The following TRAPPC9 variants were observed in gnomAD, a reference collection of about 807,000 sequenced individuals.
TRAPPC9 encodes trafficking protein particle complex subunit 9, also known as IKK2 binding protein.
In TRAPPC9, 83 loss-of-function variants were observed where a neutral mutation model predicts 124.0. That is an observed-to-expected ratio of 0.67 (90% CI 0.56 to 0.80). The LOEUF is 0.80. Ranked by LOEUF, TRAPPC9 falls within the 30% of genes least tolerant of loss-of-function variation. The pLI, the probability that TRAPPC9 is intolerant of heterozygous loss-of-function variation, is 0.00. For synonymous variants in TRAPPC9, 638 were observed against 617.5 expected, an observed-to-expected ratio of 1.03 and a Z score of -0.49; for missense variants, 1,302 against 1,508.3, an observed-to-expected ratio of 0.86 and a Z score of 2.27.
At chr8:140,345,482 T>C (rs1188190154) in intron 9 of TRAPPC9, among the ~76,000 whole-genome samples, 2 of 152,072 alleles carry the variant, frequency 1.3e-5, no homozygotes, top group Non-Finnish European at 1.5e-5. Flanking sequence ...AAAACCAGCA[T>C]GCATTTGAGA....
chr8:139,837,326 C>A (rs1442154878), intron 21 of TRAPPC9, among the ~76,000 whole-genome samples: 1 of 152,178 alleles, frequency 6.6e-6, no homozygotes, highest in Non-Finnish European at 1.5e-5. Flanking sequence ...ACAGCTGCCA[C>A]GGGGCAGGGT....
At chr8:140,386,635 A>C (rs1563990063) in intron 7 of TRAPPC9, among the ~76,000 whole-genome samples, 1 of 152,166 alleles carries the variant, frequency 6.6e-6, no homozygotes, top group Non-Finnish European at 1.5e-5. Flanking sequence ...CTTCAAGGAG[A>C]ACTACAAACC....
At chr8:139,784,251 A>G (rs1191133583) in intron 21 of TRAPPC9, among the ~76,000 whole-genome samples, 1 of 152,216 alleles carries the variant, frequency 6.6e-6, no homozygotes, top group Non-Finnish European at 1.5e-5. Context: ...CACTAGAATA[A>G]GTAGGCTTAG....
chr8:139,792,057 G>T (rs914272129), intron 21 of TRAPPC9, among the ~76,000 whole-genome samples: 1 of 152,274 alleles, frequency 6.6e-6, no homozygotes, highest in South Asian at 2.1e-4. Context: ...GCTCTTGCCC[G>T]CCGCCTGCCG....
rs748126638 is a variant in TRAPPC9 at position 139,907,047 on chromosome 8, C to A, written c.2964+3100G>T. On this transcript the variant is annotated intron_variant, in intron 20 of 22. Coordinates refer to ENST00000438773, the MANE Select transcript of TRAPPC9 (RefSeq NM_001160372.4). This position sits in a 1 kb window ranked among gnomAD's most constrained non-coding sequence, Gnocchi z 4.7. ...AGGGAAGCTCCCATCAGCCCCACAA[C>A]GCTGCACTGCAAGTGCCCATCTCTG... 6.6e-6 allele frequency among the ~76,000 whole-genome samples: 1 copy of A among 152,228 alleles called. No homozygotes were observed. Among genetic ancestry groups the A allele is most frequent in the African/African-American group, 2.4e-5 (1 of 41,456 alleles).
intron 10 of TRAPPC9, among the ~76,000 whole-genome samples, chr8:140,304,528 C>T (rs1193200959): frequency 6.6e-6 from 1 of 152,148 alleles, no homozygotes; most frequent in Non-Finnish European, 1.5e-5. Context: ...ATAGCTACTG[C>T]CCAGGCCTTC....
intron 21 of TRAPPC9, among the ~76,000 whole-genome samples, chr8:139,733,638 G>A (rs1817977714): frequency 6.6e-6 from 1 of 152,252 alleles, no homozygotes; most frequent in Non-Finnish European, 1.5e-5. Flanking sequence ...ATCAAGGCAG[G>A]CAGGTGGAAT....
intron 10 of TRAPPC9, among the ~76,000 whole-genome samples, chr8:140,308,161 C>A (rs10086735): frequency 1.4e-3 from 209 of 151,684 alleles, no homozygotes; most frequent in Non-Finnish European, 2.6e-3. Flanking sequence ...ACAAAACCGG[C>A]CACACATTTG....
At chr8:139,874,817 A>G (rs908726010) in intron 21 of TRAPPC9, among the ~76,000 whole-genome samples, 1 of 152,202 alleles carries the variant, frequency 6.6e-6, no homozygotes, top group African/African-American at 2.4e-5. Flanking sequence ...GAGAACAACA[A>G]GCATGGCCAC....
In TRAPPC9 at chr8:140,047,405, C is replaced by A. The variant is rs114686207; in HGVS notation, c.2557-23326G>T. 9.9e-3 allele frequency among the ~76,000 whole-genome samples: 1,516 copies of A among 152,368 alleles called. 24 individuals carry two copies. Among genetic ancestry groups the A allele is most frequent in the African/African-American group, 0.034 (1,405 of 41,586 alleles). ...CGAAGGGTATGGAAGTCGTTCTCTG[C>A]GGAGGCCCCGCTGGCACCGGAGAGC... On this transcript the variant is annotated intron_variant, in intron 17 of 22. Transcript: ENST00000438773.
intron 21 of TRAPPC9, among the ~76,000 whole-genome samples, chr8:139,838,979 G>A (rs1048620245): frequency 4.6e-5 from 7 of 152,172 alleles, no homozygotes; most frequent in Non-Finnish European, 7.4e-5. Context: ...ACATGGCCAC[G>A]CTGGGAGGGG....
At chr8:139,814,058 A>T (rs1824641022) in intron 21 of TRAPPC9, among the ~76,000 whole-genome samples, 1 of 152,154 alleles carries the variant, frequency 6.6e-6, no homozygotes, top group South Asian at 2.1e-4. Flanking sequence ...CTCTCCCTGC[A>T]TCTTCCCTCA....
intron 17 of TRAPPC9, among the ~76,000 whole-genome samples, chr8:140,130,012 G>GA (rs2061175690): frequency 6.6e-6 from 1 of 152,172 alleles, no homozygotes; most frequent in South Asian, 2.1e-4. Context: ...CTGGAGCAGG[G>GA]AAAGGACAAC....
intron 21 of TRAPPC9, among the ~76,000 whole-genome samples, chr8:139,853,105 T>C (rs1827593287): frequency 6.6e-6 from 1 of 152,210 alleles, no homozygotes; most frequent in African/African-American, 2.4e-5. Flanking sequence ...TCCTGTCTTG[T>C]CAGCATGGGG....
chr8:140,061,950 G>A (rs1388448141), intron 17 of TRAPPC9, among the ~76,000 whole-genome samples: 3 of 152,154 alleles, frequency 2.0e-5, no homozygotes, highest in Admixed American at 6.5e-5. Context: ...CACCTCCCAC[G>A]CATCTCCACA....
At chr8:139,737,150 C>T (rs1348065109) in intron 21 of TRAPPC9, among the ~76,000 whole-genome samples, 1 of 152,218 alleles carries the variant, frequency 6.6e-6, no homozygotes, top group Non-Finnish European at 1.5e-5. Flanking sequence ...GGGGCTGGCT[C>T]TACTCCTGGC....
intron 2 of TRAPPC9, among the ~76,000 whole-genome samples, chr8:140,444,210 T>C (rs1263625499): frequency 1.0e-4 from 12 of 118,066 alleles, no homozygotes; most frequent in Admixed American, 9.6e-4. Flanking sequence ...AGACTCTGTC[T>C]CAAAAAAAAA....
At chr8:140,018,440 C>T (rs1223105654) in intron 18 of TRAPPC9, among the ~76,000 whole-genome samples, 1 of 151,286 alleles carries the variant, frequency 6.6e-6, no homozygotes, top group Non-Finnish European at 1.5e-5. Flanking sequence ...TCTCCTGCCT[C>T]AGCTTCCCAA....
chr8:139,987,785 G>T (rs1449966745), intron 19 of TRAPPC9, among the ~76,000 whole-genome samples: 1 of 152,224 alleles, frequency 6.6e-6, no homozygotes, highest in Non-Finnish European at 1.5e-5. Context: ...GGGCCACTGA[G>T]GGGCTCCGCC....
Sources: gnomAD v4.1 joint callset for allele counts (sites outside exome capture counted in the v4.1 genomes callset) on GRCh38, gnomAD v4.1.1 for gene constraint, Gnocchi (gnomAD v3.1) non-coding constraint, MANE v1.5 for transcripts, NCBI Gene and HGNC (gene_info 2026-07-23, HGNC 2026-07-21) for gene names.